CFAP61: variants seen among roughly 807,000 people sequenced by gnomAD.
The protein encoded by CFAP61 is cilia and flagella associated protein 61, also known as cilia- and flagella-associated protein 61.
A neutral mutation model predicts 135.6 loss-of-function variants in CFAP61; 107 were observed. That is an observed-to-expected ratio of 0.79 (90% CI 0.67 to 0.93). The LOEUF is 0.93. Among genes scored for constraint, CFAP61 ranks in the 40% least tolerant of loss-of-function variants. The pLI is 0.00. For synonymous variants in CFAP61, 575 were observed against 578.5 expected (o/e 0.99, Z 0.09); for missense variants, 1,507 against 1,556.2 (o/e 0.97, Z 0.53).
intron 10 of CFAP61, among the ~76,000 whole-genome samples, chr20:20,159,959 T>A (rs2053257823): frequency 6.6e-6 from 1 of 152,160 alleles, no homozygotes; most frequent in Non-Finnish European, 1.5e-5. Flanking sequence ...GACTTCACCA[T>A]CCTTTGTTGG....
At chr20:20,099,127 T>TCACACACACACACA (rs11087302) in intron 8 of CFAP61, among the ~76,000 whole-genome samples, 4 of 149,354 alleles carry the variant, frequency 2.7e-5, no homozygotes, top group East Asian at 4.0e-4. Context: ...GTTTCAGGTT[T>TCACACACACACACA]CACACACACA....
chr20:20,240,251 CA>C (rs2049922614), intron 18 of CFAP61, among the ~76,000 whole-genome samples: 1 of 152,180 alleles, frequency 6.6e-6, no homozygotes, highest in African/African-American at 2.4e-5. Context: ...TGGTGGATAA[CA>C]TCACCCAGGG....
intron 22 of CFAP61, among the ~76,000 whole-genome samples, chr20:20,282,795 C>T (rs951366688): frequency 2.6e-5 from 4 of 152,122 alleles, no homozygotes; most frequent in Non-Finnish European, 1.5e-5. Flanking sequence ...GAAAATTAGC[C>T]AGGCATGGTG....
chr20:20,124,589 C>T (rs892050372), intron 8 of CFAP61, among the ~76,000 whole-genome samples: 3 of 151,706 alleles, frequency 2.0e-5, no homozygotes, highest in African/African-American at 7.3e-5. Context: ...GGTATGAAAC[C>T]CACTGGATCA....
At chr20:20,184,723 C>T (rs1406132794) in intron 13 of CFAP61, 1 of 152,180 alleles carries the variant, frequency 6.6e-6, no homozygotes, top group Non-Finnish European at 1.5e-5. Flanking sequence ...GAGGCAGGAA[C>T]TTCTGATGAG....
At chr20:20,096,195 C>T (rs1468981669) in intron 7 of CFAP61, among the ~76,000 whole-genome samples, 1 of 152,076 alleles carries the variant, frequency 6.6e-6, no homozygotes, top group Non-Finnish European at 1.5e-5. Flanking sequence ...CATTTGGATA[C>T]TCCTGCAAAT....
Position 20,228,394 on chromosome 20 carries a change from A to G in CFAP61, c.2060+18A>G, listed in dbSNP as rs1219447761. On this transcript the variant is annotated intron_variant, in intron 18 of 26. Coordinates refer to ENST00000245957, the MANE Select transcript of CFAP61 (RefSeq NM_015585.4). ...GTATTTTGGTGAGTTGTTTCACTCT[A>G]TTGATTGATTGGTTTTTAAATAATA... 2.5e-6 allele frequency: 4 copies of G among 1,590,358 alleles called. No individual in the cohort carries two copies. Among genetic ancestry groups the G allele is most frequent in the African/African-American group, 1.3e-5 (1 of 74,510 alleles).
At chr20:20,357,884 T>G (rs1602193563) in intron 26 of CFAP61, among the ~76,000 whole-genome samples, 3 of 111,558 alleles carry the variant, frequency 2.7e-5, no homozygotes, top group South Asian at 3.0e-4. Context: ...TGAGGGGAGG[T>G]GGTCATAGTG....
rs764542801 is a variant in CFAP61, at chr20:20,070,902, C to A, written c.192C>A (p.Ile64=). The change falls in exon 3 of 27, where the codon ATC becomes ATA. Residue 64 remains isoleucine, a synonymous_variant. Transcript: ENST00000245957. Reference sequence around the variant, plus strand: ...CCCTCTGCAATGACAAGGAGGAGATCATGGCCCAGGCCACCTTCCTGGACT... The same window carrying A: ...CCCTCTGCAATGACAAGGAGGAGATAATGGCCCAGGCCACCTTCCTGGACT... ...AVTLCNDKEE[I]MAQATFLDYP... 6.2e-7 allele frequency: 1 copy of A among 1,614,102 alleles called. No individual in the cohort carries two copies. The highest frequency in any genetic ancestry group is 8.5e-7 in the Non-Finnish European group (1 of 1,179,966).
At chr20:20,096,493 C>T (rs1293659284) in intron 7 of CFAP61, among the ~76,000 whole-genome samples, 2 of 152,246 alleles carry the variant, frequency 1.3e-5, no homozygotes, top group Admixed American at 1.3e-4. Context: ...TGTAATAGCT[C>T]ATTACTAACA....
intron 13 of CFAP61, among the ~76,000 whole-genome samples, chr20:20,182,999 C>G (rs966049327): frequency 2.0e-5 from 3 of 152,180 alleles, no homozygotes; most frequent in Non-Finnish European, 2.9e-5. Context: ...TCAGGTTCCC[C>G]ACATCTCATT....
intron 25 of CFAP61, among the ~76,000 whole-genome samples, chr20:20,302,430 G>A (rs2424337): frequency 0.054 from 8,221 of 152,294 alleles, 299 homozygotes; most frequent in Non-Finnish European, 0.084. Context: ...GGGAGGCCGA[G>A]GCGGGCAGAT....
chr20:20,152,138 GAA>G (rs533699746), intron 9 of CFAP61, among the ~76,000 whole-genome samples: 87 of 152,204 alleles, frequency 5.7e-4, no homozygotes, highest in Non-Finnish European at 8.8e-4. Context: ...GAAGGAGAGA[GAA>G]AGTGTTTTTC....
chr20:20,338,804 G>A (rs1443240261), intron 25 of CFAP61, among the ~76,000 whole-genome samples: 3 of 152,222 alleles, frequency 2.0e-5, no homozygotes, highest in Non-Finnish European at 4.4e-5. Context: ...CGATGTAACT[G>A]CCTGGATGAG....
In CFAP61 at chr20:20,208,438, C is replaced by T. The variant is rs1359627901; in HGVS notation, c.1932+8536C>T. 1.8e-4 allele frequency among the ~76,000 whole-genome samples: 27 copies of T among 152,206 alleles called. 1 individual carries two copies. The highest frequency in any genetic ancestry group is 1.4e-3 in the Admixed American group (22 of 15,278). ...CTCCAAGGGTTAGACTCCCCTGACC[C>T]GCTGCTGAAGCCTGCAGCACATAGG... is the stretch of plus-strand genomic sequence containing the variant. On this transcript the variant is annotated intron_variant, in intron 17 of 26. Transcript: ENST00000245957.
chr20:20,291,733 G>T (rs1306709110), intron 24 of CFAP61, among the ~76,000 whole-genome samples: 1 of 152,172 alleles, frequency 6.6e-6, no homozygotes, highest in Non-Finnish European at 1.5e-5. Flanking sequence ...TGTGCAGTTG[G>T]GAATTCTGCT....
intron 10 of CFAP61, among the ~76,000 whole-genome samples, chr20:20,159,907 A>G (rs906333390): frequency 6.6e-6 from 1 of 152,212 alleles, no homozygotes; most frequent in Non-Finnish European, 1.5e-5. Context: ...ATTCAGGCCA[A>G]GGGGCATAGC....
intron 8 of CFAP61, among the ~76,000 whole-genome samples, chr20:20,127,594 G>A (rs977144783): frequency 6.6e-6 from 1 of 151,318 alleles, no homozygotes; most frequent in South Asian, 2.1e-4. Flanking sequence ...TCTCAGCCGT[G>A]GATACCAGTG....
Position 20,277,322 on chromosome 20 carries a change from C to T in CFAP61, c.2660C>T (p.Ala887Val), listed in dbSNP as rs756237755. The T allele has an allele frequency of 1.2e-6, 2 of 1,614,144 alleles. No homozygotes were observed. The highest frequency in any genetic ancestry group is 1.7e-6 in the Non-Finnish European group (2 of 1,180,022). ...AACTACTCGGTGGAGAGCGCCGTGG[C>T]GGACGCGCTAGGAGCCGCCGGAGTC... Reference protein sequence around the residue: ...INNYSVESAVADALGAAGVTM... With the variant: ...INNYSVESAVVDALGAAGVTM... Residue 887 changes from alanine to valine, a missense_variant, in exon 22 of 27, where the codon GCG (alanine) becomes GTG (valine). Transcript: ENST00000245957.
Sources: gnomAD v4.1 joint callset for allele counts (sites outside exome capture counted in the v4.1 genomes callset) on GRCh38, gnomAD v4.1.1 for gene constraint, MANE v1.5 for transcripts, NCBI Gene and HGNC (gene_info 2026-07-23, HGNC 2026-07-21) for gene names.